Variants in BRAF observed in about 807,000 individuals in gnomAD.
BRAF encodes the protein B-Raf proto-oncogene, serine/threonine kinase.
In BRAF, 16 loss-of-function variants were observed where a neutral mutation model predicts 104.6. That is an observed-to-expected ratio of 0.15 (90% CI 0.10 to 0.23). The LOEUF is 0.23. BRAF is among the 10% of genes least tolerant of loss of function. BRAF has a pLI of 1.00. For missense variants in BRAF, 541 were observed against 937.3 expected (o/e 0.58, Z 5.52); for synonymous variants, 310 against 341.6 (o/e 0.91, Z 1.02).
At chr7:140,882,907 T>C (rs1813103540) in intron 1 of BRAF, among the ~76,000 whole-genome samples, 1 of 151,874 alleles carries the variant, frequency 6.6e-6, no homozygotes, top group South Asian at 2.1e-4. Flanking sequence ...GGCAGAAGAA[T>C]TGCTTGAACC....
chr7:140,842,315 A>G (rs1808051074), intron 2 of BRAF, among the ~76,000 whole-genome samples: 1 of 152,200 alleles, frequency 6.6e-6, no homozygotes, highest in South Asian at 2.1e-4. Context: ...TAAAATGAAA[A>G]TGAGAATAGT....
At chr7:140,822,841 G>T (rs1333167880) in intron 3 of BRAF, among the ~76,000 whole-genome samples, 2 of 152,120 alleles carry the variant, frequency 1.3e-5, no homozygotes, top group African/African-American at 4.8e-5. Flanking sequence ...TTTTTGTGGG[G>T]GTGGACAGGG....
chr7:140,870,892 C>T (rs1002076870), intron 1 of BRAF, among the ~76,000 whole-genome samples: 6 of 144,976 alleles, frequency 4.1e-5, no homozygotes, highest in South Asian at 2.2e-4. Context: ...AAAAAAAAGA[C>T]TTTTAACAAA....
intron 14 of BRAF, among the ~76,000 whole-genome samples, chr7:140,756,734 A>G (rs979061200): frequency 6.6e-6 from 1 of 152,210 alleles, no homozygotes; most frequent in Non-Finnish European, 1.5e-5. Context: ...ACAGTTTTAC[A>G]GAAGTACTAG....
At chr7:140,824,973 CT>C (rs201596326) in intron 3 of BRAF, among the ~76,000 whole-genome samples, 268 of 139,836 alleles carry the variant, frequency 1.9e-3, no homozygotes, top group African/African-American at 2.2e-3. Context: ...GTTGTTTTTT[CT>C]TTTTTTTTTT....
chr7:140,908,834 T>G (rs1316401019), intron 1 of BRAF, among the ~76,000 whole-genome samples: 1 of 135,776 alleles, frequency 7.4e-6, no homozygotes, highest in Middle Eastern at 4.0e-3. Flanking sequence ...ACCCCAATGG[T>G]CCACCAAAAC....
intron 19 of BRAF, chr7:140,734,235 C>G (rs1409894408): frequency 8.6e-7 from 1 of 1,162,246 alleles, no homozygotes; most frequent in East Asian, 3.9e-5. Context: ...GTAGGGTCTT[C>G]TTCTGGAGTC....
At chr7:140,833,106 G>A (rs1437999974) in intron 3 of BRAF, among the ~76,000 whole-genome samples, 1 of 151,942 alleles carries the variant, frequency 6.6e-6, no homozygotes, top group African/African-American at 2.4e-5. Flanking sequence ...TCGATCTCCT[G>A]ACCTCCTGAC....
chr7:140,721,294 C>G lies in BRAF; in HGVS notation c.*5200G>C. ...TGAGTTGCCGACTAATTGCCCCATG[C>G]ATTTTTTTTTTTTAAAGCACTGTTA... On this transcript the variant is annotated 3_prime_UTR_variant, in exon 20 of 20. Coordinates refer to ENST00000644969, the MANE Select transcript of BRAF (RefSeq NM_001374258.1). The G allele has an allele frequency of 8.7e-7, 1 of 1,155,406 alleles. No individual in the cohort carries two copies. The highest frequency in any genetic ancestry group is 3.5e-4 in the Middle Eastern group (1 of 2,830). 71.6% of individuals were successfully genotyped at this position (1,155,406 alleles called of 1,614,324 possible).
chr7:140,884,966 T>C (rs1348050675), intron 1 of BRAF, among the ~76,000 whole-genome samples: 1 of 151,976 alleles, frequency 6.6e-6, no homozygotes, highest in Non-Finnish European at 1.5e-5. Context: ...GCAAAGTGTC[T>C]TATTCATTTT....
chr7:140,869,818 A>G (rs1322581564), intron 1 of BRAF, among the ~76,000 whole-genome samples: 3 of 152,236 alleles, frequency 2.0e-5, no homozygotes, highest in Non-Finnish European at 4.4e-5. Context: ...ACCTTCAGAA[A>G]GATTATAAAA....
At chr7:140,897,481 G>C (rs986387913) in intron 1 of BRAF, among the ~76,000 whole-genome samples, 6 of 146,350 alleles carry the variant, frequency 4.1e-5, no homozygotes, top group Admixed American at 4.1e-4. Flanking sequence ...GGATAGGAAA[G>C]ATTTCTTTTT....
Position 140,721,144 on chromosome 7 carries a change from CAA to C in BRAF, c.*5348_*5349del, listed in dbSNP as rs1220230254. On this transcript the variant is annotated 3_prime_UTR_variant, in exon 20 of 20. Transcript: ENST00000644969. ...TGGCTGTGTCCTCATACACACTCGT[CAA>C]GTCACTATAATTATTCAAAATAGCT... 2 of 1,063,356 alleles carry C rather than the reference CAA, an allele frequency of 1.9e-6. No individual in the cohort carries two copies. The highest frequency in any genetic ancestry group is 5.3e-5 in the Admixed American group (1 of 18,736). The allele number at this position is 1,063,356 out of a possible 1,614,324, so 65.9% of individuals were successfully genotyped here.
chr7:140,852,644 G>A (rs1489866410), intron 1 of BRAF, among the ~76,000 whole-genome samples: 1 of 148,522 alleles, frequency 6.7e-6, no homozygotes, highest in African/African-American at 2.5e-5. Context: ...TACTCCCTAG[G>A]TGATCTCATC....
intron 1 of BRAF, among the ~76,000 whole-genome samples, chr7:140,859,029 T>C (rs887911380): frequency 2.0e-5 from 3 of 152,140 alleles, no homozygotes; most frequent in Non-Finnish European, 4.4e-5. Flanking sequence ...TACATGGTGT[T>C]CTAACACATT....
intron 1 of BRAF, among the ~76,000 whole-genome samples, chr7:140,892,296 A>G (rs1174362442): frequency 6.6e-6 from 1 of 152,158 alleles, no homozygotes; most frequent in Non-Finnish European, 1.5e-5. Context: ...CTTCTTTACT[A>G]CAGTTCTTCT....
At chr7:140,897,816 A>AAAAATC (rs1014476529) in intron 1 of BRAF, among the ~76,000 whole-genome samples, 7 of 152,078 alleles carry the variant, frequency 4.6e-5, no homozygotes, top group African/African-American at 1.7e-4. Flanking sequence ...GATTTCTTAA[A>AAAAATC]AAAATCAAAA....
At chr7:140,735,054 T>C (rs1464789931) in intron 18 of BRAF, among the ~76,000 whole-genome samples, 3 of 152,216 alleles carry the variant, frequency 2.0e-5, no homozygotes, top group African/African-American at 7.2e-5. Context: ...ATTTATATTT[T>C]AGATCATTTG....
chr7:140,842,821 G>GT (rs1167869417), intron 2 of BRAF, among the ~76,000 whole-genome samples: 1 of 152,154 alleles, frequency 6.6e-6, no homozygotes, highest in Non-Finnish European at 1.5e-5. Context: ...TCAATAGAAT[G>GT]TTAACTGTTA....
Sources: allele counts gnomAD v4.1 joint callset (sites outside exome capture counted in the v4.1 genomes callset), GRCh38; gene constraint gnomAD v4.1.1; transcripts MANE v1.5; gene names NCBI Gene and HGNC (gene_info 2026-07-23, HGNC 2026-07-21).